Variants in BARD1 observed in about 807,000 individuals in gnomAD.
BARD1 encodes BRCA1 associated RING domain 1.
Under a neutral mutation model 77.0 loss-of-function variants are expected in BARD1, and 73 were observed. The observed-to-expected ratio is 0.95, with a 90% CI of 0.79 to 1.15. BARD1 has a LOEUF of 1.15. Among genes scored for constraint, BARD1 ranks in the 50% most tolerant of loss-of-function variants. The pLI, the probability that BARD1 is intolerant of heterozygous loss-of-function variation, is 0.00. For synonymous variants in BARD1, 384 were observed against 338.0 expected (o/e 1.14, Z -1.49); for missense variants, 993 against 938.8 (o/e 1.06, Z -0.75).
Position 214,728,545 on chromosome 2 carries a change from T to TTA in BARD1, c.*130_*131insTA. On this transcript the variant is annotated 3_prime_UTR_variant, in exon 11 of 11. Coordinates refer to ENST00000260947, the MANE Select transcript of BARD1 (RefSeq NM_000465.4). The stretch of plus-strand genomic sequence containing the variant: ...CCTAATCTGGCATTAGACTTTTTTT[T>TTA]TTTTTTTGATTCAAAGACAAATATG... The TTA allele has an allele frequency of 1.1e-6, 1 of 875,664 alleles. No homozygotes were observed. Among genetic ancestry groups the TTA allele is most frequent in the Non-Finnish European group, 1.7e-6 (1 of 587,176 alleles). The allele number at this position is 875,664 out of a possible 1,614,324, so 54.2% of individuals were successfully genotyped here.
intron 9 of BARD1, among the ~76,000 whole-genome samples, chr2:214,732,202 C>A (rs746765016): frequency 6.6e-6 from 1 of 152,162 alleles, no homozygotes; most frequent in Non-Finnish European, 1.5e-5. Flanking sequence ...TAAATTGATT[C>A]CAACACAGGA....
At chr2:214,809,190 T>C (rs1356626273) in intron 1 of BARD1, among the ~76,000 whole-genome samples, 1 of 152,140 alleles carries the variant, frequency 6.6e-6, no homozygotes, top group Non-Finnish European at 1.5e-5. Flanking sequence ...ACCGTTTCAG[T>C]TGGATTCAGG....
At position 214,725,821 on chromosome 2, in the gene BARD1, G is replaced by C. The variant is rs934003287; in HGVS notation, c.*2855C>G. On this transcript the variant is annotated 3_prime_UTR_variant, in exon 11 of 11. Transcript: ENST00000260947. The stretch of plus-strand genomic sequence containing the variant: ...TTCCTACCATTTTAATGTGTTCAGG[G>C]TAGGAAACAGAATAGACAATTGTGA... The C allele has an allele frequency of 4.5e-6, 1 of 221,328 alleles. No homozygotes were observed. Among genetic ancestry groups the C allele is most frequent in the South Asian group, 1.8e-4 (1 of 5,430 alleles). 13.7% of individuals were successfully genotyped at this position (221,328 alleles called of 1,614,324 possible).
At chr2:214,738,151 G>T (rs1345056860) in intron 9 of BARD1, among the ~76,000 whole-genome samples, 1 of 152,060 alleles carries the variant, frequency 6.6e-6, no homozygotes, top group Non-Finnish European at 1.5e-5. Flanking sequence ...CTTTTCATAT[G>T]TTCCTTTATA....
intron 4 of BARD1, 24 bp from the exon 5 acceptor site, chr2:214,769,336 A>C (rs1201272031): frequency 6.4e-7 from 1 of 1,554,142 alleles, no homozygotes; most frequent in Non-Finnish European, 8.9e-7. Context: ...CAAAACGGAA[A>C]TTAAAAAGCA....
chr2:214,775,895 C>T (rs1294265682), intron 4 of BARD1, among the ~76,000 whole-genome samples: 1 of 152,116 alleles, frequency 6.6e-6, no homozygotes, highest in Non-Finnish European at 1.5e-5. Context: ...CCTTTGCTAC[C>T]TTCTCATGAA....
chr2:214,751,131 ATATATATATATATATATATATTTTTT>A (rs1693407869), intron 7 of BARD1, among the ~76,000 whole-genome samples: 1 of 35,566 alleles, frequency 2.8e-5, no homozygotes, highest in Non-Finnish European at 5.4e-5. Context: ...ATATATATAT[ATATATATATATATATATATATTTTTT>A]TTTTTTTTTT....
intron 3 of BARD1, among the ~76,000 whole-genome samples, chr2:214,785,780 C>T (rs1454912235): frequency 6.6e-6 from 1 of 151,758 alleles, no homozygotes; most frequent in Non-Finnish European, 1.5e-5. Context: ...GGAAAAATAA[C>T]AATAATCTGA....
At chr2:214,734,729 A>G (rs1692497128) in intron 9 of BARD1, among the ~76,000 whole-genome samples, 1 of 152,190 alleles carries the variant, frequency 6.6e-6, no homozygotes, top group African/African-American at 2.4e-5. Context: ...GAAAATTCTT[A>G]AAATACCAAT....
chr2:214,806,615 T>A (rs901899118), intron 1 of BARD1, among the ~76,000 whole-genome samples: 1 of 152,192 alleles, frequency 6.6e-6, no homozygotes, highest in African/African-American at 2.4e-5. Flanking sequence ...GGCTCACGCC[T>A]GTAATCCCAG....
intron 6 of BARD1, among the ~76,000 whole-genome samples, chr2:214,760,164 G>C (rs1693887935): frequency 6.6e-6 from 1 of 152,140 alleles, no homozygotes; most frequent in African/African-American, 2.4e-5. Flanking sequence ...AATATTTAAA[G>C]TCACATCTTA....
At position 214,786,481 on chromosome 2, in the gene BARD1, A is replaced by G. The variant is rs189591844; in HGVS notation, c.365-4972T>C. Among the ~76,000 whole-genome samples, 465 of 152,016 alleles carry G rather than the reference A, an allele frequency of 3.1e-3. 2 individuals carry two copies. Among genetic ancestry groups the G allele is most frequent in the Admixed American group, 7.5e-3 (115 of 15,260 alleles). On this transcript the variant is annotated intron_variant, in intron 3 of 10. Coordinates refer to ENST00000260947, the MANE Select transcript of BARD1 (RefSeq NM_000465.4). ...AATTGCTTCTTCTGCCTATTCTTTC[A>G]CCTCATATTTCTTGAGTACAAAAGT...
intron 6 of BARD1, among the ~76,000 whole-genome samples, chr2:214,761,066 T>C (rs1253515876): frequency 8.0e-6 from 1 of 124,830 alleles, no homozygotes; most frequent in Non-Finnish European, 1.8e-5. Context: ...ATGAACTTGA[T>C]GGGATAAAAA....
rs181874879 is a variant in BARD1, at chr2:214,777,671, C to T, written c.1314+2889G>A. Among the ~76,000 whole-genome samples, 112 of 152,292 alleles carry T rather than the reference C, an allele frequency of 7.4e-4. 1 individual carries two copies. Among genetic ancestry groups the T allele is most frequent in the African/African-American group, 2.7e-3 (112 of 41,556 alleles). On this transcript the variant is annotated intron_variant, in intron 4 of 10. Transcript: ENST00000260947. ...TCCTTCCCCTTATTTGCTTTGGCTG[C>T]CTTAAAGGTCACCAAAACTAAATTC...
At chr2:214,785,882 C>G (rs1695250121) in intron 3 of BARD1, among the ~76,000 whole-genome samples, 1 of 151,890 alleles carries the variant, frequency 6.6e-6, no homozygotes, top group South Asian at 2.1e-4. Context: ...ACCAACCAGG[C>G]TTCTTACAAT....
intron 1 of BARD1, among the ~76,000 whole-genome samples, chr2:214,800,617 C>A (rs1695974363): frequency 1.3e-5 from 2 of 152,276 alleles, no homozygotes; most frequent in South Asian, 4.2e-4. Flanking sequence ...ATGCATCCAA[C>A]TTTAACTCAG....
At chr2:214,748,455 T>C (rs1443389551) in intron 7 of BARD1, among the ~76,000 whole-genome samples, 1 of 152,096 alleles carries the variant, frequency 6.6e-6, no homozygotes, top group Non-Finnish European at 1.5e-5. Context: ...AATAATTAAA[T>C]AGGGTACTTT....
chr2:214,797,213 C>T, intron 1 of BARD1, 96 bp from the exon 2 acceptor site: 1 of 972,718 alleles, frequency 1.0e-6, no homozygotes, highest in South Asian at 1.3e-5. Context: ...TACCATATTT[C>T]TCACTTTCTC....
At chr2:214,809,013 A>G (rs952352767) in intron 1 of BARD1, among the ~76,000 whole-genome samples, 6 of 152,208 alleles carry the variant, frequency 3.9e-5, no homozygotes, top group East Asian at 1.9e-4. Context: ...CGCCAGCCCA[A>G]TTCGCCACAG....
Sources: allele counts gnomAD v4.1 joint callset (sites outside exome capture counted in the v4.1 genomes callset), GRCh38; gene constraint gnomAD v4.1.1; transcripts MANE v1.5; gene names NCBI Gene and HGNC (gene_info 2026-07-23, HGNC 2026-07-21).